WDR93: variants seen among roughly 807,000 people sequenced by gnomAD.
WDR93 encodes the protein WD repeat-containing protein 93.
In WDR93, 73 loss-of-function variants were observed where a neutral mutation model predicts 82.9. The ratio of observed to expected loss-of-function variants is 0.88; its 90% CI spans 0.73 to 1.07. The LOEUF (loss-of-function observed/expected upper bound fraction) is 1.07, where lower values mean the gene tolerates loss of function less well. Among genes scored for constraint, WDR93 ranks in the 50% least tolerant of loss-of-function variants. The pLI is 0.00. For synonymous variants in WDR93, 283 were observed against 300.1 expected (o/e 0.94, Z 0.59); for missense variants, 738 against 826.0 (o/e 0.89, Z 1.31).
intron 2 of WDR93, among the ~76,000 whole-genome samples, chr15:89,702,547 G>GT (rs57978090): frequency 0.69 from 103,352 of 150,496 alleles, 37,488 homozygotes; most frequent in African/African-American, 0.89. Flanking sequence ...GTTTTTTGGG[G>GT]TTTTTTTTTG....
At chr15:89,718,904 C>T (rs1055783100) in intron 7 of WDR93, among the ~76,000 whole-genome samples, 6 of 152,196 alleles carry the variant, frequency 3.9e-5, no homozygotes, top group African/African-American at 1.2e-4. Context: ...CATGAGCCAC[C>T]GCGCCCAGCC....
chr15:89,728,960 T>C, intron 9 of WDR93, 63 bp from the exon 10 acceptor site: 2 of 1,442,582 alleles, frequency 1.4e-6, no homozygotes, highest in Non-Finnish European at 9.8e-7. Context: ...ACCAAGACTC[T>C]GCCAGCAGCT....
intron 11 of WDR93, among the ~76,000 whole-genome samples, chr15:89,729,995 A>G (rs557926721): frequency 1.1e-3 from 166 of 152,220 alleles, no homozygotes; most frequent in Non-Finnish European, 1.9e-3. Flanking sequence ...GTCTACAGTC[A>G]GGTCCACAGG....
chr15:89,706,181 C>T (rs1309052194), intron 4 of WDR93, among the ~76,000 whole-genome samples: 1 of 152,188 alleles, frequency 6.6e-6, no homozygotes, highest in African/African-American at 2.4e-5. Flanking sequence ...GACTGCTTCT[C>T]CTGAGGGAAG....
chr15:89,736,552 G>A (rs1967189501), intron 14 of WDR93, among the ~76,000 whole-genome samples: 1 of 152,050 alleles, frequency 6.6e-6, no homozygotes, highest in Admixed American at 6.6e-5. Context: ...TTCACAAAGT[G>A]ACCGTGAGGG....
intron 1 of WDR93, among the ~76,000 whole-genome samples, chr15:89,691,470 A>G (rs561925399): frequency 6.6e-6 from 1 of 152,300 alleles, no homozygotes; most frequent in Non-Finnish European, 1.5e-5. Context: ...TGTAATCCCA[A>G]CACTTTGGGA....
At chr15:89,742,421 C>T (rs1360295345) in intron 16 of WDR93, among the ~76,000 whole-genome samples, 1 of 151,994 alleles carries the variant, frequency 6.6e-6, no homozygotes, top group African/African-American at 2.4e-5. Context: ...GACAGCCCCC[C>T]CTCCACCCTG....
At chr15:89,737,955 A>G (rs1967340921) in intron 15 of WDR93, 86 bp from the exon 16 acceptor site, 3 of 1,441,166 alleles carry the variant, frequency 2.1e-6, no homozygotes, top group Non-Finnish European at 2.8e-6. Flanking sequence ...ATAAGCAGAG[A>G]GCAGCCCCCA....
intron 1 of WDR93, among the ~76,000 whole-genome samples, chr15:89,700,976 G>A (rs914186260): frequency 1.1e-4 from 11 of 99,728 alleles, no homozygotes; most frequent in Admixed American, 9.0e-4. Flanking sequence ...ATATATGTGT[G>A]TGTACACACA....
At chr15:89,733,391 T>G (rs932324203) in intron 13 of WDR93, among the ~76,000 whole-genome samples, 172 bp downstream of exon 13, 3 of 152,218 alleles carry the variant, frequency 2.0e-5, no homozygotes, top group African/African-American at 7.2e-5. Flanking sequence ...CAATTTTTTC[T>G]AACAAAATTG....
At chr15:89,739,297 T>C (rs1049623553) in intron 16 of WDR93, among the ~76,000 whole-genome samples, 1 of 152,182 alleles carries the variant, frequency 6.6e-6, no homozygotes, top group Non-Finnish European at 1.5e-5. Context: ...TATGGCAGGA[T>C]TGAAGGCTGC....
At chr15:89,721,829 T>G (rs966755796) in intron 7 of WDR93, among the ~76,000 whole-genome samples, 1 of 152,222 alleles carries the variant, frequency 6.6e-6, no homozygotes, top group Admixed American at 6.5e-5. Flanking sequence ...CTCTGCCTTT[T>G]CACTGGGGTT....
At chr15:89,727,024 C>A in intron 8 of WDR93, 133 bp from the exon 9 acceptor site, 1 of 1,004,960 alleles carries the variant, frequency 1.0e-6, no homozygotes. Context: ...GAATACAGAC[C>A]AATTGCAGAG....
rs569194178 is a variant in WDR93, at chr15:89,731,296, G to C, written c.1211-147G>C. 6.5e-5 allele frequency: 75 copies of C among 1,147,694 alleles called. No homozygotes were observed. The African/African-American group carries it at 8.9e-4, about 14-fold the overall frequency. 71.1% of individuals were successfully genotyped at this position (1,147,694 alleles called of 1,614,324 possible). On this transcript the variant is annotated intron_variant, in intron 11 of 16. Transcript: ENST00000268130. ...GGCAAGGAGAATAGCACTTCATAAAGAGAAGGATGATGGTGAGTCCAGACA... is the reference window on the plus strand; with the variant it reads ...GGCAAGGAGAATAGCACTTCATAAACAGAAGGATGATGGTGAGTCCAGACA...
intron 10 of WDR93, 77 bp downstream of exon 10, chr15:89,729,170 A>G (rs1272469561): frequency 2.2e-6 from 3 of 1,370,296 alleles, no homozygotes; most frequent in African/African-American, 2.9e-5. Context: ...CCCCACAGAG[A>G]TGTTCCCCAA....
intron 6 of WDR93, among the ~76,000 whole-genome samples, chr15:89,715,946 C>G (rs1458252262): frequency 6.6e-6 from 1 of 152,178 alleles, no homozygotes; most frequent in African/African-American, 2.4e-5. Context: ...CTTATTTATA[C>G]AGTGTATGCT....
chr15:89,703,065 A>G lies in WDR93; in HGVS notation c.419A>G (p.Lys140Arg). The G allele has an allele frequency of 6.2e-7, 1 of 1,614,214 alleles. No homozygotes were observed. The highest frequency in any genetic ancestry group is 8.5e-7 in the Non-Finnish European group (1 of 1,180,020). ...YSAKQIYAWE[K>R]LKVDVTSIWA... ...GCTAAACAAATATATGCGTGGGAGA[A>G]GCTTAAGGTTGATGTCACTTCCATC... The change falls in exon 3 of 17, where the codon AAG (lysine) becomes AGG (arginine). Residue 140 changes from lysine (K) to arginine (R), a missense_variant. By Grantham distance (26) the Lys-to-Arg change is conservative. Transcript: ENST00000268130.
chr15:89,731,957 G>T (rs1334485288), intron 12 of WDR93, among the ~76,000 whole-genome samples: 2 of 152,074 alleles, frequency 1.3e-5, no homozygotes, highest in African/African-American at 2.4e-5. Context: ...CTGCTATTCT[G>T]TCTCATCCCC....
At position 89,705,721 on chromosome 15, in the gene WDR93, T is replaced by G. The variant is rs537890389; in HGVS notation, c.561+103T>G. On this transcript the variant is annotated intron_variant, in intron 4 of 16. Coordinates refer to ENST00000268130, the MANE Select transcript of WDR93 (RefSeq NM_020212.2). ...ATAGCTGGCCTAGATTAGAAAGAAATAGAGACCTCCATGGCCAGAGAGCCT... is the reference window on the plus strand; with the variant it reads ...ATAGCTGGCCTAGATTAGAAAGAAAGAGAGACCTCCATGGCCAGAGAGCCT... 9.9e-6 allele frequency: 8 copies of G among 808,128 alleles called. No homozygotes were observed. The East Asian group carries it at 1.9e-4, about 20-fold the overall frequency. The allele number at this position is 808,128 out of a possible 1,614,324, so 50.1% of individuals were successfully genotyped here. A position where few individuals can be genotyped will look rare whatever the true frequency, so the allele number is the denominator to read the frequency against.
Sources: gnomAD v4.1 joint callset for allele counts (sites outside exome capture counted in the v4.1 genomes callset) on GRCh38, gnomAD v4.1.1 for gene constraint, MANE v1.5 for transcripts, NCBI Gene and HGNC (gene_info 2026-07-23, HGNC 2026-07-21) for gene names.